Variants in PCDH10 observed in about 807,000 individuals in gnomAD.
PCDH10 encodes protocadherin 10.
In PCDH10, 15 loss-of-function variants were observed where a neutral mutation model predicts 74.4. That is an observed-to-expected ratio of 0.20 (90% CI 0.13 to 0.31). The LOEUF (loss-of-function observed/expected upper bound fraction) is 0.31, where lower values mean the gene tolerates loss of function less well. Among genes scored for constraint, PCDH10 ranks in the 10% least tolerant of loss-of-function variants. The pLI is 1.00. For synonymous variants in PCDH10, 619 were observed against 589.8 expected (o/e 1.05, Z -0.72); for missense variants, 1,260 against 1,390.2 (o/e 0.91, Z 1.49).
At position 133,194,224 on chromosome 4, in the gene PCDH10, A is replaced by G. The variant is rs1397636052; in HGVS notation, c.*4064A>G. ...TTGTAAAATTAGAAAAATTGCTTTTATTTCTTGAAAAGTTGTCACATGCTT... is the reference window on the plus strand; with the variant it reads ...TTGTAAAATTAGAAAAATTGCTTTTGTTTCTTGAAAAGTTGTCACATGCTT... On this transcript the variant is annotated 3_prime_UTR_variant, in exon 5 of 5. Transcript: ENST00000264360. The G allele has an allele frequency of 6.6e-6, 1 of 151,782 alleles. No individual in the cohort carries two copies. The highest frequency in any genetic ancestry group is 1.9e-4 in the East Asian group (1 of 5,200). The allele number at this position is 151,782 out of a possible 1,614,324, so 9.4% of individuals were successfully genotyped here. A position where few individuals can be genotyped will look rare whatever the true frequency, so the allele number is the denominator to read the frequency against.
At position 133,150,718 on chromosome 4, in the gene PCDH10, A is replaced by G. The variant is rs1726649026; in HGVS notation, c.578A>G (p.Gln193Arg). ...LVLEKPLDRE[Q>R]QAVHRYVLTA... ...CTGGAGAAGCCACTGGACCGAGAGC[A>G]GCAAGCGGTGCACCGCTACGTGCTG... The change falls in exon 1 of 5, where the codon CAG becomes CGG. Residue 193 changes from glutamine (Q) to arginine (R), a missense_variant. By Grantham distance (43) the Gln-to-Arg change is conservative. Transcript: ENST00000264360. The G allele has an allele frequency of 6.2e-7, 1 of 1,611,330 alleles. No homozygotes were observed.
At chr4:133,164,810 GA>G (rs138497008) in intron 4 of PCDH10, among the ~76,000 whole-genome samples, 5,391 of 150,830 alleles carry the variant, frequency 0.036, 228 homozygotes, top group African/African-American at 0.1. Flanking sequence ...TATTTCTTAA[GA>G]ATCTGGTCTT....
In PCDH10 at chr4:133,164,610, A is replaced by C. The variant is rs1393355220; in HGVS notation, c.3103+1328A>C. ...AATCTACTTCAAATATAGTGGGAAA[A>C]TCAACTTGCCCTCTTTTGCTCTTAG... On this transcript the variant is annotated intron_variant, in intron 4 of 4. Coordinates refer to ENST00000264360, the MANE Select transcript of PCDH10 (RefSeq NM_032961.3). 2.0e-5 allele frequency among the ~76,000 whole-genome samples: 3 copies of C among 151,872 alleles called. No individual in the cohort carries two copies. In the East Asian group the frequency reaches 5.8e-4, roughly 29 times the overall value.
intron 3 of PCDH10, among the ~76,000 whole-genome samples, chr4:133,161,029 C>A (rs1578562654): frequency 6.6e-6 from 1 of 152,080 alleles, no homozygotes; most frequent in African/African-American, 2.4e-5. Context: ...AGTTCCCTTT[C>A]TTTTTTTCTT....
chr4:133,162,933 T>C (rs771382256), intron 3 of PCDH10, 44 bp from the exon 4 acceptor site: 2 of 1,492,300 alleles, frequency 1.3e-6, no homozygotes, highest in East Asian at 2.3e-5. Flanking sequence ...TAACTGGTCA[T>C]GTTGGTGAAG....
At position 133,149,956 on chromosome 4, in the gene PCDH10, C is replaced by A; in HGVS notation, c.-185C>A. On this transcript the variant is annotated 5_prime_UTR_variant, in exon 1 of 5. In the 5' UTR this introduces an upstream ATG that the reference lacks. Transcript: ENST00000264360. ...TGCTAAGATTTAAAAAAAAATGAGG[C>A]TGGATTGCGGGAAGCTCTAAAATGA... 1 of 743,378 alleles carries A rather than the reference C, an allele frequency of 1.3e-6. No homozygotes were observed. Among genetic ancestry groups the A allele is most frequent in the Non-Finnish European group, 1.9e-6 (1 of 516,534 alleles). The allele number at this position is 743,378 out of a possible 1,614,324, so 46.0% of individuals were successfully genotyped here. A position where few individuals can be genotyped will look rare whatever the true frequency, so the allele number is the denominator to read the frequency against.
chr4:133,149,961 T>C lies in PCDH10; in HGVS notation c.-180T>C. Reference sequence around the variant, plus strand: ...AGATTTAAAAAAAAATGAGGCTGGATTGCGGGAAGCTCTAAAATGAAGCAA... The same window carrying C: ...AGATTTAAAAAAAAATGAGGCTGGACTGCGGGAAGCTCTAAAATGAAGCAA... On this transcript the variant is annotated 5_prime_UTR_variant, in exon 1 of 5. Transcript: ENST00000264360. The C allele has an allele frequency of 1.3e-6, 1 of 797,652 alleles. No homozygotes were observed. Among genetic ancestry groups the C allele is most frequent in the Non-Finnish European group, 1.8e-6 (1 of 563,356 alleles). The allele number at this position is 797,652 out of a possible 1,614,324, so 49.4% of individuals were successfully genotyped here. A position where few individuals can be genotyped will look rare whatever the true frequency, so the allele number is the denominator to read the frequency against.
intron 4 of PCDH10, among the ~76,000 whole-genome samples, chr4:133,170,520 T>C: frequency 6.6e-6 from 1 of 152,174 alleles, no homozygotes; most frequent in Non-Finnish European, 1.5e-5. Flanking sequence ...AAATTTTTAA[T>C]CAGTTAAATT....
Position 133,151,273 on chromosome 4 carries a change from C to T in PCDH10, c.1133C>T (p.Ala378Val), listed in dbSNP as rs752684076. 3.1e-6 allele frequency: 5 copies of T among 1,614,038 alleles called. No individual in the cohort carries two copies. The highest frequency in any genetic ancestry group is 4.2e-6 in the Non-Finnish European group (5 of 1,180,020). Residue 378 changes from alanine (A) to valine (V), a missense_variant, in exon 1 of 5, where the codon GCC (alanine) becomes GTC (valine). Transcript: ENST00000264360. ...SEGAAPGTVV[A>V]LFSVTDRDSE... ...GGCGCGGCGCCCGGCACTGTGGTGG[C>T]CCTTTTCAGCGTGACTGACCGCGAC...
chr4:133,166,114 A>G (rs924174874), intron 4 of PCDH10, among the ~76,000 whole-genome samples: 2 of 151,514 alleles, frequency 1.3e-5, no homozygotes, highest in African/African-American at 4.8e-5. Flanking sequence ...GCTTTCTCTT[A>G]TTTTTCCTAT....
Position 133,189,392 on chromosome 4 carries a change from A to G in PCDH10, c.3104-749A>G, listed in dbSNP as rs575503435. 1.4e-4 allele frequency among the ~76,000 whole-genome samples: 22 copies of G among 152,252 alleles called. 1 individual carries two copies. In the South Asian group the frequency reaches 4.3e-3, roughly 30 times the overall value. On this transcript the variant is annotated intron_variant, in intron 4 of 4. Coordinates refer to ENST00000264360, the MANE Select transcript of PCDH10 (RefSeq NM_032961.3). ...ATGGATAAGGGAAGAAATATTATTT[A>G]TCATTACAAATAAACAAAATACTTA...
Position 133,162,969 on chromosome 4 carries a change from G to C in PCDH10, c.2798-8G>C. On this transcript the variant is annotated splice_polypyrimidine_tract_variant and splice_region_variant and intron_variant, in intron 3 of 4. Coordinates refer to ENST00000264360, the MANE Select transcript of PCDH10 (RefSeq NM_032961.3). ...ACTACATCCGTAGTTTCTGTTTTCTGCTTACAGGTATGGATCTCTTCTCCA... is the reference window on the plus strand; with the variant it reads ...ACTACATCCGTAGTTTCTGTTTTCTCCTTACAGGTATGGATCTCTTCTCCA... 1 of 1,602,442 alleles carries C rather than the reference G, an allele frequency of 6.2e-7. No individual in the cohort carries two copies. Among genetic ancestry groups the C allele is most frequent in the Non-Finnish European group, 8.5e-7 (1 of 1,171,368 alleles).
intron 4 of PCDH10, among the ~76,000 whole-genome samples, chr4:133,186,287 T>C (rs1727540332): frequency 6.6e-6 from 1 of 152,156 alleles, no homozygotes; most frequent in South Asian, 2.1e-4. Flanking sequence ...TGACTCACTA[T>C]GAAGAATAAA....
At chr4:133,186,842 G>C (rs1266320107) in intron 4 of PCDH10, among the ~76,000 whole-genome samples, 1 of 151,920 alleles carries the variant, frequency 6.6e-6, no homozygotes, top group Non-Finnish European at 1.5e-5. Context: ...CTCAGCCTCC[G>C]AGGTAGCTGG....
chr4:133,206,530 C>A (rs965228951), intron 2 of PCDH10, among the ~76,000 whole-genome samples: 1 of 152,126 alleles, frequency 6.6e-6, no homozygotes, highest in Admixed American at 6.5e-5. Context: ...GTGGGATAAA[C>A]CAGGTTTCTT....
At chr4:133,184,386 G>C (rs1216449741) in intron 4 of PCDH10, among the ~76,000 whole-genome samples, 2 of 151,974 alleles carry the variant, frequency 1.3e-5, no homozygotes, top group Non-Finnish European at 2.9e-5. Context: ...ACTTTGGGAG[G>C]CCAAGGTGAG....
Position 133,152,147 on chromosome 4 carries a change from C to T in PCDH10, c.2007C>T (p.Ser669=), listed in dbSNP as rs1321583705. Reference sequence around the variant, plus strand: ...GCGACCATGGGCAGCCGCCCCTTTCCTCCACCGCCACCCTGGTGGTTCAGC... The same window carrying T: ...GCGACCATGGGCAGCCGCCCCTTTCTTCCACCGCCACCCTGGTGGTTCAGC... ...EVRDHGQPPL[S]STATLVVQLV... Residue 669 remains serine, a synonymous_variant, in exon 1 of 5, where the codon TCC becomes TCT. Transcript: ENST00000264360. The T allele has an allele frequency of 3.8e-6, 6 of 1,565,424 alleles. No homozygotes were observed. The East Asian group carries it at 6.7e-5, about 18-fold the overall frequency.
intron 2 of PCDH10, among the ~76,000 whole-genome samples, chr4:133,204,365 C>T (rs951012918): frequency 1.3e-5 from 2 of 152,114 alleles, no homozygotes; most frequent in African/African-American, 4.8e-5. Context: ...AAGGTCACTA[C>T]GTTAGATGCT....
chr4:133,186,961 G>T (rs990108046), intron 4 of PCDH10, among the ~76,000 whole-genome samples: 1 of 152,050 alleles, frequency 6.6e-6, no homozygotes, highest in South Asian at 2.1e-4. Flanking sequence ...CAAGTGATCC[G>T]CTCGCCTCAA....
Sources: gnomAD v4.1 joint callset for allele counts (sites outside exome capture counted in the v4.1 genomes callset) on GRCh38, gnomAD v4.1.1 for gene constraint, MANE v1.5 for transcripts, NCBI Gene and HGNC (gene_info 2026-07-23, HGNC 2026-07-21) for gene names.